The following RTN4 variants were observed in gnomAD, a reference collection of about 807,000 sequenced individuals.
RTN4 encodes the protein reticulon-4.
RTN4 carries 32 observed loss-of-function variants against 90.4 expected under a neutral mutation model. The observed-to-expected ratio is 0.35, with a 90% confidence interval of 0.27 to 0.48. The LOEUF is 0.48. Ranked by LOEUF, RTN4 falls within the 20% of genes least tolerant of loss-of-function variation. The pLI, the probability that RTN4 is intolerant of heterozygous loss-of-function variation, is 0.99. For missense variants in RTN4, 1,706 were observed against 1,430.2 expected (o/e 1.19, Z -3.11); for synonymous variants, 629 against 552.5 (o/e 1.14, Z -1.94).
chr2:55,002,467 T>C (rs1358324483), intron 3 of RTN4, among the ~76,000 whole-genome samples: 1 of 152,222 alleles, frequency 6.6e-6, no homozygotes, highest in Non-Finnish European at 1.5e-5. Flanking sequence ...CACGAATTTC[T>C]CTAAGAGAAA....
chr2:55,007,911 C>A (rs191527385), intron 3 of RTN4, among the ~76,000 whole-genome samples: 50 of 152,092 alleles, frequency 3.3e-4, no homozygotes, highest in Non-Finnish European at 4.4e-4. Context: ...ATTCTCCTAC[C>A]CCATCCAAAT....
the RTN4 span, among the ~76,000 whole-genome samples, chr2:55,127,429 C>A: frequency 6.6e-6 from 1 of 152,220 alleles, no homozygotes; most frequent in Non-Finnish European, 1.5e-5. Flanking sequence ...TACAATTTGA[C>A]AACTTGATCA....
chr2:55,135,368 G>A, the RTN4 span, among the ~76,000 whole-genome samples: 2 of 151,626 alleles, frequency 1.3e-5, no homozygotes, highest in Admixed American at 6.6e-5. Context: ...CACCATTCCT[G>A]GCCAATTTCT....
rs573049057 is a variant in RTN4, at chr2:55,032,777, C to T, written c.557-4557G>A. ...GCATGGGAGCTCATGCCTGTAACCC[C>T]AACACTTTAGGAGGCCAAAGTGGGA... On this transcript the variant is annotated intron_variant, in intron 1 of 8. Transcript: ENST00000337526. Among the ~76,000 whole-genome samples the T allele has an allele frequency of 5.2e-4, 79 of 152,140 alleles. 1 individual carries two copies. Among genetic ancestry groups the T allele is most frequent in the African/African-American group, 1.9e-3 (78 of 41,528 alleles).
At chr2:55,110,838 C>G (rs1668025621) in intron 1 of RTN4, among the ~76,000 whole-genome samples, 1 of 152,166 alleles carries the variant, frequency 6.6e-6, no homozygotes, top group Non-Finnish European at 1.5e-5. Flanking sequence ...ATCGGGAGTT[C>G]AAGACCAGCC....
intron 4 of RTN4, among the ~76,000 whole-genome samples, chr2:54,984,472 T>G (rs1188803067): frequency 6.6e-6 from 1 of 152,204 alleles, no homozygotes; most frequent in Non-Finnish European, 1.5e-5. Flanking sequence ...TTGAGAAATA[T>G]AGGAAAGTGG....
chr2:55,124,936 C>A, the RTN4 span, among the ~76,000 whole-genome samples: 1 of 152,086 alleles, frequency 6.6e-6, no homozygotes, highest in Non-Finnish European at 1.5e-5. Context: ...TGATCTTCAA[C>A]AAAACTGACA....
chr2:55,047,090 G>A (rs1667795523), intron 1 of RTN4, among the ~76,000 whole-genome samples: 1 of 152,170 alleles, frequency 6.6e-6, no homozygotes, highest in Non-Finnish European at 1.5e-5. Flanking sequence ...ACTTTGGGAG[G>A]CCAAGGTGGG....
At chr2:55,094,818 A>G (rs1669002548) in intron 1 of RTN4, among the ~76,000 whole-genome samples, 1 of 152,214 alleles carries the variant, frequency 6.6e-6, no homozygotes, top group African/African-American at 2.4e-5. Flanking sequence ...TAGGTCAAGC[A>G]AAGAATGAAG....
Position 55,050,237 on chromosome 2 carries a change from C to A in RTN4, c.64G>T (p.Ala22Ser). The A allele has an allele frequency of 6.5e-7, 1 of 1,547,080 alleles. No individual in the cohort carries two copies. The stretch of plus-strand genomic sequence containing the variant: ...TCCCTCACGAACTGGTACTTGAACG[C>A]GGGCTGCGGCCGGGGTGGGCTGTCC... ...SSDSPPRPQP[A>S]FKYQFVREPE... Residue 22 changes from alanine to serine, a missense_variant, in exon 1 of 9, where the codon GCG becomes TCG. Ala to Ser is a moderately conservative substitution (Grantham distance 99, BLOSUM62 1). Transcript: ENST00000337526. This position sits in a 1 kb window ranked among gnomAD's most constrained non-coding sequence, Gnocchi z 4.6.
chr2:54,989,927 C>T (rs761899135), intron 3 of RTN4, among the ~76,000 whole-genome samples: 4 of 151,790 alleles, frequency 2.6e-5, no homozygotes, highest in Non-Finnish European at 5.9e-5. Flanking sequence ...TGAGAGAACA[C>T]GGGGAGTGAT....
chr2:54,987,622 T>C lies in RTN4; in HGVS notation c.3090A>G (p.Ser1030=), dbSNP rs1244162788. 2 of 1,614,084 alleles carry C rather than the reference T, an allele frequency of 1.2e-6. No individual in the cohort carries two copies. The highest frequency in any genetic ancestry group is 1.7e-6 in the Non-Finnish European group (2 of 1,180,034). Residue 1030 remains serine, a synonymous_variant, in exon 4 of 9, where the codon TCA becomes TCG. Transcript: ENST00000337526. ...VFGASLFLLL[S]LTVFSIVSVT... is the part of the protein sequence containing the mutation. ...CGCTCACAATGCTGAATACTGTCAA[T>C]GAAAGCAGCAGGAATAGGCTGGCAC...
Position 54,973,033 on chromosome 2 carries a change from A to C in RTN4, c.*123T>G. ...CAACAGTGCATGGCTAAAAATAAAGATCTAACAACGATCTGTGAAACTGCA... is the reference window on the plus strand; with the variant it reads ...CAACAGTGCATGGCTAAAAATAAAGCTCTAACAACGATCTGTGAAACTGCA... On this transcript the variant is annotated 3_prime_UTR_variant, in exon 9 of 9. Coordinates refer to ENST00000337526, the MANE Select transcript of RTN4 (RefSeq NM_020532.5). The C allele has an allele frequency of 1.4e-6, 1 of 736,000 alleles. No homozygotes were observed. The highest frequency in any genetic ancestry group is 1.9e-5 in the South Asian group (1 of 51,656). The allele number at this position is 736,000 out of a possible 1,614,324, so 45.6% of individuals were successfully genotyped here. A position where few individuals can be genotyped will look rare whatever the true frequency, so the allele number is the denominator to read the frequency against.
intron 1 of RTN4, among the ~76,000 whole-genome samples, chr2:55,095,985 T>C (rs1356784167): frequency 6.6e-6 from 1 of 152,170 alleles, no homozygotes; most frequent in East Asian, 1.9e-4. Flanking sequence ...TTATGGGTTA[T>C]TGGGAGAGAG....
the RTN4 span, among the ~76,000 whole-genome samples, chr2:55,129,383 G>T: frequency 6.6e-6 from 1 of 151,954 alleles, no homozygotes; most frequent in East Asian, 1.9e-4. Flanking sequence ...TGACCAGCTT[G>T]GGAAACATAG....
At chr2:55,015,106 G>C (rs1419949685) in intron 3 of RTN4, among the ~76,000 whole-genome samples, 1 of 152,068 alleles carries the variant, frequency 6.6e-6, no homozygotes, top group African/African-American at 2.4e-5. Flanking sequence ...GTCAATTATA[G>C]ATCATTCCAC....
At chr2:54,982,485 T>C (rs761405549) in intron 5 of RTN4, 30 bp downstream of exon 5, 3 of 1,595,512 alleles carry the variant, frequency 1.9e-6, no homozygotes, top group Non-Finnish European at 1.7e-6. Flanking sequence ...ATTCTGGGTA[T>C]ATCAAAAATG....
chr2:55,129,720 C>T, the RTN4 span, among the ~76,000 whole-genome samples: 3 of 152,230 alleles, frequency 2.0e-5, no homozygotes, highest in East Asian at 5.8e-4. Context: ...TGCCACCACA[C>T]CCAGCTAATT....
intron 2 of RTN4, among the ~76,000 whole-genome samples, chr2:55,062,788 C>T (rs1668323902): frequency 6.6e-6 from 1 of 152,206 alleles, no homozygotes; most frequent in Admixed American, 6.5e-5. Flanking sequence ...TTATCATTAG[C>T]CATCTACCTG....
Sources: allele counts gnomAD v4.1 joint callset (sites outside exome capture counted in the v4.1 genomes callset), GRCh38; gene constraint gnomAD v4.1.1; non-coding constraint Gnocchi (gnomAD v3.1); transcripts MANE v1.5; gene names NCBI Gene and HGNC (gene_info 2026-07-23, HGNC 2026-07-21).